CCSER1: variants seen among roughly 807,000 people sequenced by gnomAD.
CCSER1 encodes serine-rich coiled-coil domain-containing protein 1.
In CCSER1, 41 loss-of-function variants were observed where a neutral mutation model predicts 82.0. The ratio of observed to expected loss-of-function variants is 0.50; its 90% CI spans 0.39 to 0.65. The LOEUF (loss-of-function observed/expected upper bound fraction) is 0.65. Among genes scored for constraint, CCSER1 ranks in the 30% least tolerant of loss-of-function variants. The pLI, the probability that CCSER1 is intolerant of heterozygous loss-of-function variation, is 0.00. For synonymous variants in CCSER1, 414 were observed against 383.9 expected, an observed-to-expected ratio of 1.08 and a Z score of -0.92; for missense variants, 1,119 against 1,064.2, an observed-to-expected ratio of 1.05 and a Z score of -0.72.
intron 5 of CCSER1, among the ~76,000 whole-genome samples, chr4:90,485,053 C>A (rs1006311911): frequency 1.3e-5 from 2 of 152,238 alleles, no homozygotes; most frequent in East Asian, 3.9e-4. Context: ...ACTTTGTTTA[C>A]CTGCTCTAGC....
chr4:90,271,846 ATATATATATATATATATTTTTTTTTTTTT>A (rs1726433293), intron 1 of CCSER1, among the ~76,000 whole-genome samples: 7 of 24,854 alleles, frequency 2.8e-4, no homozygotes, highest in East Asian at 1.8e-3. Flanking sequence ...ATATATATAT[ATATATATATATATATATTTTTTTTTTTTT>A]TTTTTTTTTT....
chr4:90,475,562 A>C (rs1014889248), intron 5 of CCSER1, among the ~76,000 whole-genome samples: 7 of 152,330 alleles, frequency 4.6e-5, no homozygotes, highest in Middle Eastern at 3.4e-3. Flanking sequence ...AGTTGGAAGC[A>C]CAAGGGACAG....
chr4:91,345,295 G>A (rs1236467485), intron 10 of CCSER1, among the ~76,000 whole-genome samples: 1 of 152,080 alleles, frequency 6.6e-6, no homozygotes, highest in Non-Finnish European at 1.5e-5. Flanking sequence ...GCTGAGGCAG[G>A]AGAATCGCTT....
chr4:91,446,470 A>T (rs1294002017), intron 10 of CCSER1, among the ~76,000 whole-genome samples: 1 of 151,882 alleles, frequency 6.6e-6, no homozygotes, highest in South Asian at 2.1e-4. Context: ...ATGCATATTC[A>T]TTATGGAAAC....
chr4:91,073,313 T>C (rs1247001252), intron 9 of CCSER1, among the ~76,000 whole-genome samples: 1 of 152,090 alleles, frequency 6.6e-6, no homozygotes, highest in Admixed American at 6.6e-5. Flanking sequence ...GGTGAATATT[T>C]TTTCAATAAA....
At chr4:90,576,185 A>G (rs553244152) in intron 5 of CCSER1, among the ~76,000 whole-genome samples, 1 of 151,876 alleles carries the variant, frequency 6.6e-6, no homozygotes. Context: ...TTGACTTTTC[A>G]ATATTTACTA....
intron 10 of CCSER1, among the ~76,000 whole-genome samples, chr4:91,120,320 A>G (rs1368994239): frequency 6.6e-6 from 1 of 152,050 alleles, no homozygotes; most frequent in Non-Finnish European, 1.5e-5. Context: ...AGACAAAGAG[A>G]CAGAGGTTCT....
intron 4 of CCSER1, among the ~76,000 whole-genome samples, chr4:90,404,861 A>T (rs561718154): frequency 1.3e-5 from 2 of 152,344 alleles, no homozygotes; most frequent in Admixed American, 1.3e-4. Context: ...GAATCTGAAT[A>T]GCAGTCCATG....
At chr4:90,974,245 G>A (rs1171021668) in intron 9 of CCSER1, among the ~76,000 whole-genome samples, 1 of 151,150 alleles carries the variant, frequency 6.6e-6, no homozygotes, top group East Asian at 1.9e-4. Context: ...GTGGGGTGAT[G>A]TATATGTTAA....
chr4:90,333,196 A>T (rs558561707), intron 3 of CCSER1, among the ~76,000 whole-genome samples: 1 of 152,284 alleles, frequency 6.6e-6, no homozygotes, highest in East Asian at 1.9e-4. Context: ...ATCACTTGGT[A>T]AAGAAAGTGT....
chr4:91,525,135 G>T (rs1019479337), intron 10 of CCSER1, among the ~76,000 whole-genome samples: 1 of 152,058 alleles, frequency 6.6e-6, no homozygotes, highest in African/African-American at 2.4e-5. Context: ...GAAGTTCCAG[G>T]TTTAAGATAG....
In CCSER1 at chr4:91,245,326, A is replaced by T. The variant is rs72877010; in HGVS notation, c.2217+159332A>T. 6.9e-3 allele frequency among the ~76,000 whole-genome samples: 1,046 copies of T among 152,296 alleles called. 12 individuals carry two copies. Among genetic ancestry groups the T allele is most frequent in the African/African-American group, 0.024 (1,008 of 41,560 alleles). On this transcript the variant is annotated intron_variant, in intron 10 of 10. Coordinates refer to ENST00000509176, the MANE Select transcript of CCSER1 (RefSeq NM_001145065.2). ...AACACAAAGCAGGTTTAACTCGAAG[A>T]AGACTACCTCTAGGCATTGAATAAT...
chr4:90,448,167 T>A (rs898068511), intron 4 of CCSER1, among the ~76,000 whole-genome samples: 2 of 151,958 alleles, frequency 1.3e-5, no homozygotes, highest in Non-Finnish European at 2.9e-5. Flanking sequence ...CTCTAGGATA[T>A]CAGATTATAG....
intron 10 of CCSER1, among the ~76,000 whole-genome samples, chr4:91,467,502 G>A (rs1446878410): frequency 1.3e-5 from 2 of 152,054 alleles, no homozygotes; most frequent in African/African-American, 4.8e-5. Flanking sequence ...TAGACAAATG[G>A]GATCTAATTA....
At chr4:90,519,781 T>C (rs958204746) in intron 5 of CCSER1, among the ~76,000 whole-genome samples, 1 of 152,070 alleles carries the variant, frequency 6.6e-6, no homozygotes, top group Non-Finnish European at 1.5e-5. Context: ...ACTAATACTT[T>C]GGAAGCAAAA....
chr4:90,412,369 GA>G (rs1232725950), intron 4 of CCSER1, among the ~76,000 whole-genome samples: 2 of 151,298 alleles, frequency 1.3e-5, no homozygotes, highest in East Asian at 3.9e-4. Flanking sequence ...AATGCTACAT[GA>G]CGAGTTGATG....
chr4:91,087,212 T>C (rs1723476634), intron 10 of CCSER1, among the ~76,000 whole-genome samples: 1 of 152,090 alleles, frequency 6.6e-6, no homozygotes, highest in Non-Finnish European at 1.5e-5. Flanking sequence ...TTCTGCTGAT[T>C]TAGTGCCTTT....
chr4:90,609,257 A>T (rs189458990), intron 5 of CCSER1, among the ~76,000 whole-genome samples: 48 of 152,192 alleles, frequency 3.2e-4, no homozygotes, highest in Non-Finnish European at 5.1e-4. Flanking sequence ...CTTCAGGCTT[A>T]GTAAGAGTTA....
intron 9 of CCSER1, among the ~76,000 whole-genome samples, chr4:90,926,948 A>T (rs563692276): frequency 6.6e-6 from 1 of 152,142 alleles, no homozygotes; most frequent in East Asian, 1.9e-4. Flanking sequence ...TTATCTAATT[A>T]CATCAAATGT....
Sources: allele counts gnomAD v4.1 joint callset (sites outside exome capture counted in the v4.1 genomes callset), GRCh38; gene constraint gnomAD v4.1.1; transcripts MANE v1.5; gene names NCBI Gene and HGNC (gene_info 2026-07-23, HGNC 2026-07-21).